The following FOCAD variants were observed in gnomAD, a reference collection of about 807,000 sequenced individuals.
The protein encoded by FOCAD is focadhesin, also known as KIAA1797.
A neutral mutation model predicts 225.6 loss-of-function variants in FOCAD; 198 were observed. That is an observed-to-expected ratio of 0.88 (90% CI 0.78 to 0.99). FOCAD has a LOEUF of 0.99. Ranked by LOEUF, FOCAD falls within the 50% of genes least tolerant of loss-of-function variation. The pLI is 0.00. For synonymous variants in FOCAD, 897 were observed against 755.0 expected (o/e 1.19, Z -3.08); for missense variants, 2,713 against 2,123.6 (o/e 1.28, Z -5.46).
Position 20,995,809 on chromosome 9 carries a change from C to G in FOCAD, c.*180C>G. 1 of 444,734 alleles carries G rather than the reference C, an allele frequency of 2.2e-6. No individual in the cohort carries two copies. Among genetic ancestry groups the G allele is most frequent in the Non-Finnish European group, 4.0e-6 (1 of 248,618 alleles). 27.5% of individuals were successfully genotyped at this position (444,734 alleles called of 1,614,324 possible). ...TGCCTCCTAAGAGAGGAGTGCATTGCTTTAGTACCCGGGCCAGTTGAGACT... is the reference window on the plus strand; with the variant it reads ...TGCCTCCTAAGAGAGGAGTGCATTGGTTTAGTACCCGGGCCAGTTGAGACT... On this transcript the variant is annotated 3_prime_UTR_variant, in exon 44 of 44. Transcript: ENST00000338382.
At chr9:20,930,748 G>A (rs940011350) in intron 27 of FOCAD, among the ~76,000 whole-genome samples, 1 of 152,106 alleles carries the variant, frequency 6.6e-6, no homozygotes, top group Non-Finnish European at 1.5e-5. Flanking sequence ...GTGCAATATG[G>A]CCAGAATATT....
At chr9:20,867,169 T>C (rs1050044808) in intron 18 of FOCAD, among the ~76,000 whole-genome samples, 157 bp downstream of exon 18, 5 of 151,926 alleles carry the variant, frequency 3.3e-5, no homozygotes, top group African/African-American at 1.2e-4. Flanking sequence ...TTTGTTTATA[T>C]GTAAAAGACT....
At chr9:20,842,826 A>C (rs976337563) in intron 15 of FOCAD, among the ~76,000 whole-genome samples, 5 of 151,830 alleles carry the variant, frequency 3.3e-5, no homozygotes, top group Non-Finnish European at 7.4e-5. Context: ...TCTTTGTGAA[A>C]GTGATTTTCT....
chr9:20,858,206 G>A (rs897967714), intron 15 of FOCAD, among the ~76,000 whole-genome samples: 1 of 151,906 alleles, frequency 6.6e-6, no homozygotes, highest in Non-Finnish European at 1.5e-5. Context: ...AATCAGCAAT[G>A]AAGCCATCAG....
At chr9:20,656,814 G>A (rs1296806812), upstream of FOCAD, among the ~76,000 whole-genome samples, 1 of 152,156 alleles carries the variant, frequency 6.6e-6, no homozygotes, top group African/African-American at 2.4e-5. Flanking sequence ...ATTTGATCCT[G>A]TCATTATGAT....
chr9:20,840,808 A>G (rs1432037403), intron 15 of FOCAD, among the ~76,000 whole-genome samples: 1 of 151,998 alleles, frequency 6.6e-6, no homozygotes. Context: ...TAGATTGTAG[A>G]GGGAAGAATT....
chr9:20,870,793 A>T (rs1224615028), intron 18 of FOCAD, among the ~76,000 whole-genome samples: 3 of 152,204 alleles, frequency 2.0e-5, no homozygotes, highest in Non-Finnish European at 4.4e-5. Context: ...TTGATAGGTT[A>T]AGTGTGTTAA....
rs149701921 is a variant in FOCAD at position 20,896,309 on chromosome 9, G to C, written c.2626-10841G>C. ...ATTTATGTTCATGAAAGATATTGCT[G>C]TGAGATTTCCTATTCTTGTTAATAC... On this transcript the variant is annotated intron_variant, in intron 21 of 43. Transcript: ENST00000338382. 3.6e-3 allele frequency among the ~76,000 whole-genome samples: 551 copies of C among 151,938 alleles called. 5 individuals carry two copies. Among genetic ancestry groups the C allele is most frequent in the African/African-American group, 0.013 (524 of 41,486 alleles).
intron 35 of FOCAD, among the ~76,000 whole-genome samples, chr9:20,974,710 T>G (rs1205514868): frequency 1.4e-5 from 2 of 147,756 alleles, no homozygotes; most frequent in African/African-American, 2.6e-5. Context: ...CTTCTCCTTT[T>G]TCCTATGTTT....
At chr9:20,850,141 TAAG>T (rs1827508975) in intron 15 of FOCAD, among the ~76,000 whole-genome samples, 1 of 151,890 alleles carries the variant, frequency 6.6e-6, no homozygotes, top group African/African-American at 2.4e-5. Context: ...CTTATGGTCA[TAAG>T]AAATAAAAAT....
chr9:20,773,583 T>G (rs908941239), intron 8 of FOCAD, among the ~76,000 whole-genome samples: 4 of 152,204 alleles, frequency 2.6e-5, no homozygotes, highest in Non-Finnish European at 1.5e-5. Context: ...CCAGTCCTAT[T>G]CATAACCTCC....
intron 5 of FOCAD, among the ~76,000 whole-genome samples, chr9:20,754,895 A>G (rs1332318): frequency 0.037 from 5,581 of 152,284 alleles, 143 homozygotes; most frequent in African/African-American, 0.073. Context: ...AAATACATCC[A>G]TTATATTACG....
chr9:20,803,051 T>G (rs1822017831), intron 11 of FOCAD, among the ~76,000 whole-genome samples: 1 of 152,172 alleles, frequency 6.6e-6, no homozygotes, highest in African/African-American at 2.4e-5. Flanking sequence ...ATTATCCTGG[T>G]GACATTTTAC....
Position 20,902,358 on chromosome 9 carries a change from A to G in FOCAD, c.2626-4792A>G, listed in dbSNP as rs79761874. ...AGTGAGTGCAAAGGTCCTGTGAAGTATAAGACAAGCTTGGGAATCGGTTCG... is the reference window on the plus strand; with the variant it reads ...AGTGAGTGCAAAGGTCCTGTGAAGTGTAAGACAAGCTTGGGAATCGGTTCG... On this transcript the variant is annotated intron_variant, in intron 21 of 43. Transcript: ENST00000338382. 2.2e-3 allele frequency among the ~76,000 whole-genome samples: 334 copies of G among 152,084 alleles called. 1 individual carries two copies. The highest frequency in any genetic ancestry group is 7.5e-3 in the African/African-American group (310 of 41,552).
chr9:20,763,411 G>T (rs1829785794), intron 6 of FOCAD, among the ~76,000 whole-genome samples: 1 of 152,156 alleles, frequency 6.6e-6, no homozygotes, highest in East Asian at 1.9e-4. Flanking sequence ...CACTATTATT[G>T]TGCCTGTGAA....
intron 5 of FOCAD, among the ~76,000 whole-genome samples, 163 bp from the exon 6 acceptor site, chr9:20,757,927 A>G (rs760780700): frequency 1.3e-5 from 2 of 152,162 alleles, no homozygotes; most frequent in Non-Finnish European, 2.9e-5. Context: ...GTTCTGATGA[A>G]CCAACTCTGC....
chr9:20,728,278 G>A (rs1016821566), intron 4 of FOCAD, among the ~76,000 whole-genome samples: 1 of 152,086 alleles, frequency 6.6e-6, no homozygotes, highest in African/African-American at 2.4e-5. Context: ...TGGGATATTT[G>A]CATATATATA....
chr9:20,731,882 C>T (rs142670018), intron 4 of FOCAD, among the ~76,000 whole-genome samples: 2 of 152,066 alleles, frequency 1.3e-5, no homozygotes, highest in African/African-American at 4.8e-5. Flanking sequence ...CTCCCAAAGT[C>T]CTGGGATTAC....
chr9:20,782,006 T>C lies in FOCAD; in HGVS notation c.1197+77T>C, dbSNP rs1188624405. On this transcript the variant is annotated intron_variant, in intron 10 of 43. Transcript: ENST00000338382. ...GGTCTTTACGGATAATCTTGCCTCC[T>C]GATGAAGCATCTGTTTGTTATCAGA... 32 of 1,237,078 alleles carry C rather than the reference T, an allele frequency of 2.6e-5. No individual in the cohort carries two copies. The East Asian group carries it at 7.3e-4, about 28-fold the overall frequency. The allele number at this position is 1,237,078 out of a possible 1,614,324, so 76.6% of individuals were successfully genotyped here.
Sources: gnomAD v4.1 joint callset for allele counts (sites outside exome capture counted in the v4.1 genomes callset) on GRCh38, gnomAD v4.1.1 for gene constraint, MANE v1.5 for transcripts, NCBI Gene and HGNC (gene_info 2026-07-23, HGNC 2026-07-21) for gene names.